The following ASIC2 variants were observed in gnomAD, a reference collection of about 807,000 sequenced individuals.
ASIC2 encodes the protein acid-sensing ion channel 2.
ASIC2 carries 25 observed loss-of-function variants against 57.3 expected under a neutral mutation model. The ratio of observed to expected loss-of-function variants is 0.44; its 90% CI spans 0.32 to 0.61. The LOEUF is 0.61. Ranked by LOEUF, ASIC2 falls within the 20% of genes least tolerant of loss-of-function variation. The pLI is 0.06. For synonymous variants in ASIC2, 319 were observed against 307.5 expected, an observed-to-expected ratio of 1.04 and a Z score of -0.39; for missense variants, 641 against 738.1, an observed-to-expected ratio of 0.87 and a Z score of 1.52.
intron 1 of ASIC2, among the ~76,000 whole-genome samples, chr17:33,408,047 A>G (rs1281907560): frequency 6.6e-6 from 1 of 151,904 alleles, no homozygotes; most frequent in African/African-American, 2.4e-5. Flanking sequence ...TGCCCTTTAG[A>G]AGAAGTGTGC....
At chr17:33,590,029 G>T (rs1320250512) in intron 1 of ASIC2, among the ~76,000 whole-genome samples, 2 of 152,086 alleles carry the variant, frequency 1.3e-5, no homozygotes, top group African/African-American at 4.8e-5. Context: ...TCTCTCACTT[G>T]TCCCTCCCTC....
intron 1 of ASIC2, among the ~76,000 whole-genome samples, chr17:33,386,209 G>A (rs1325861096): frequency 6.6e-6 from 1 of 152,082 alleles, no homozygotes; most frequent in East Asian, 1.9e-4. Context: ...CCAAGTCTAG[G>A]CTGATGACAG....
chr17:33,228,284 G>A (rs2142104462), intron 1 of ASIC2, among the ~76,000 whole-genome samples: 1 of 152,320 alleles, frequency 6.6e-6, no homozygotes, highest in East Asian at 1.9e-4. Context: ...TATACTAAGG[G>A]CTACTGAATC....
At chr17:33,762,282 A>G (rs146879648) in intron 1 of ASIC2, among the ~76,000 whole-genome samples, 172 of 152,292 alleles carry the variant, frequency 1.1e-3, no homozygotes, top group African/African-American at 3.9e-3. Context: ...GATTGAAAAG[A>G]TATCAACCAT....
chr17:33,840,165 C>T (rs1913391818), intron 1 of ASIC2, among the ~76,000 whole-genome samples: 2 of 152,126 alleles, frequency 1.3e-5, no homozygotes, highest in African/African-American at 4.8e-5. Flanking sequence ...CAGTTGGACA[C>T]TAGAAATATT....
At chr17:33,016,063 T>G in intron 8 of ASIC2, 24 bp from the exon 9 acceptor site, 1 of 1,612,968 alleles carries the variant, frequency 6.2e-7, no homozygotes, top group African/African-American at 1.3e-5. Context: ...AGGAAGGGGT[T>G]GGTCAGGCCG....
At chr17:33,990,502 G>A (rs1905966792) in intron 1 of ASIC2, among the ~76,000 whole-genome samples, 1 of 152,194 alleles carries the variant, frequency 6.6e-6, no homozygotes, top group African/African-American at 2.4e-5. Context: ...ACCTTTTGGA[G>A]GAAAATGTCC....
At chr17:33,542,053 C>A (rs1915428789) in intron 1 of ASIC2, among the ~76,000 whole-genome samples, 1 of 152,228 alleles carries the variant, frequency 6.6e-6, no homozygotes. Context: ...GCTGAATACA[C>A]TCTCTGTTGT....
intron 1 of ASIC2, among the ~76,000 whole-genome samples, chr17:33,414,739 T>C (rs1386148542): frequency 6.6e-6 from 1 of 152,252 alleles, no homozygotes; most frequent in Non-Finnish European, 1.5e-5. Flanking sequence ...ATTTCTCTTT[T>C]AAATTTTAAT....
chr17:33,481,355 A>T lies in ASIC2; in HGVS notation c.556-369288T>A, dbSNP rs77219178. Among the ~76,000 whole-genome samples the T allele has an allele frequency of 2.0e-5, 3 of 152,334 alleles. No homozygotes were observed. The East Asian group carries it at 5.8e-4, about 29-fold the overall frequency. ...TGTCCTCCCACCTGACTCTCAACAG[A>T]TGAGTTAGCAGATCATCAGACAGAA... On this transcript the variant is annotated intron_variant, in intron 1 of 9. Transcript: ENST00000359872.
chr17:33,339,607 C>T lies in ASIC2; in HGVS notation c.556-227540G>A, dbSNP rs948613247. On this transcript the variant is annotated intron_variant, in intron 1 of 9. Coordinates refer to the ASIC2 transcript ENST00000359872. ...AGGAGTGCACAGAAAGGGCCCGGCA[C>T]GGTGTCTTGCCCTCAGAAAGGTGGG... 1.4e-4 allele frequency among the ~76,000 whole-genome samples: 22 copies of T among 152,276 alleles called. No homozygotes were observed. The East Asian group carries it at 2.1e-3, about 15-fold the overall frequency.
At chr17:33,995,190 T>C (rs1906119006) in intron 1 of ASIC2, among the ~76,000 whole-genome samples, 1 of 152,144 alleles carries the variant, frequency 6.6e-6, no homozygotes, top group African/African-American at 2.4e-5. Context: ...GGCAGGGAGA[T>C]TTTATCTCTC....
At chr17:33,121,197 C>A (rs2092301040) in intron 1 of ASIC2, among the ~76,000 whole-genome samples, 1 of 152,224 alleles carries the variant, frequency 6.6e-6, no homozygotes, top group Non-Finnish European at 1.5e-5. Context: ...GATGTTGAAT[C>A]TCAGATGTTG....
chr17:33,762,725 A>C (rs1361082100), intron 1 of ASIC2, among the ~76,000 whole-genome samples: 1 of 152,180 alleles, frequency 6.6e-6, no homozygotes. Flanking sequence ...CTTTGTTAGC[A>C]CTGGGCTCAA....
At chr17:33,946,836 G>T (rs890021732) in intron 1 of ASIC2, among the ~76,000 whole-genome samples, 1 of 152,188 alleles carries the variant, frequency 6.6e-6, no homozygotes, top group East Asian at 1.9e-4. Flanking sequence ...CAGAGACAGG[G>T]CCAGGAAACC....
At position 33,291,481 on chromosome 17, in the gene ASIC2, C is replaced by G. The variant is rs1232148216; in HGVS notation, c.635G>C (p.Gly212Ala). The change falls in exon 1 of 10, where the codon GGC (glycine) becomes GCC (alanine). Residue 212 changes from glycine to alanine, a missense_variant. By Grantham distance (60) the Gly-to-Ala change is moderately conservative. Coordinates refer to ENST00000225823, the MANE Select transcript of ASIC2 (RefSeq NM_183377.2). The part of the protein sequence containing the change: ...GISAAFMDRL[G>A]HQLEDMLLSC... The stretch of plus-strand genomic sequence containing the variant: ...GAGCAGCATGTCCTCCAGCTGGTGG[C>G]CCAGGCGGTCCATGAAGGCGGCGCT... The G allele has an allele frequency of 6.2e-7, 1 of 1,612,542 alleles. No individual in the cohort carries two copies. The highest frequency in any genetic ancestry group is 1.3e-5 in the African/African-American group (1 of 75,050).
chr17:34,082,404 C>T (rs751393860), intron 1 of ASIC2, among the ~76,000 whole-genome samples: 1 of 152,110 alleles, frequency 6.6e-6, no homozygotes, highest in Non-Finnish European at 1.5e-5. Flanking sequence ...CATCGTATCA[C>T]AAAACTGTGA....
intron 1 of ASIC2, among the ~76,000 whole-genome samples, chr17:34,014,862 C>T (rs866263080): frequency 5.3e-5 from 8 of 151,404 alleles, no homozygotes; most frequent in East Asian, 3.9e-4. Context: ...CAGATCCCTC[C>T]GCCTTAATCC....
chr17:33,392,177 T>G (rs887684521), intron 1 of ASIC2, among the ~76,000 whole-genome samples: 1 of 17,480 alleles, frequency 5.7e-5, no homozygotes, highest in African/African-American at 1.9e-4. Context: ...CTTTCTTCCT[T>G]CCTTCCTTCC....
Sources: allele counts gnomAD v4.1 joint callset (sites outside exome capture counted in the v4.1 genomes callset), GRCh38; gene constraint gnomAD v4.1.1; transcripts MANE v1.5; gene names NCBI Gene and HGNC (gene_info 2026-07-23, HGNC 2026-07-21).